The following ELAVL2 variants were observed in gnomAD, a reference collection of about 807,000 sequenced individuals.
ELAVL2 encodes the protein ELAV-like protein 2.
ELAVL2 carries 4 observed loss-of-function variants against 34.6 expected under a neutral mutation model. The ratio of observed to expected loss-of-function variants is 0.12; its 90% CI spans 0.06 to 0.26. ELAVL2 has a LOEUF of 0.26. Ranked by LOEUF, ELAVL2 falls within the 10% of genes least tolerant of loss-of-function variation. The probability of loss-of-function intolerance (pLI) is 1.00; values close to 1 mark genes in which losing one functional copy is unlikely to be tolerated. For missense variants in ELAVL2, 432 were observed against 442.8 expected (o/e 0.98, Z 0.22); for synonymous variants, 193 against 154.8 (o/e 1.25, Z -1.83).
At chr9:23,751,737 C>T (rs927067969) in intron 2 of ELAVL2, among the ~76,000 whole-genome samples, 3 of 152,154 alleles carry the variant, frequency 2.0e-5, no homozygotes, top group Admixed American at 1.3e-4. Flanking sequence ...TGCTGACCTT[C>T]GAAAGCCCAG....
intron 3 of ELAVL2, among the ~76,000 whole-genome samples, chr9:23,710,436 A>T (rs149050790): frequency 1.3e-5 from 2 of 152,250 alleles, no homozygotes; most frequent in African/African-American, 4.8e-5. Context: ...TGATTCATCA[A>T]TGGAAAGATC....
At chr9:23,800,908 G>A (rs1564520907) in intron 1 of ELAVL2, among the ~76,000 whole-genome samples, 1 of 152,062 alleles carries the variant, frequency 6.6e-6, no homozygotes, top group Non-Finnish European at 1.5e-5. Flanking sequence ...CAGGAAAACT[G>A]GCATTAACAT....
intron 1 of ELAVL2, among the ~76,000 whole-genome samples, chr9:23,823,318 T>G (rs2065064428): frequency 6.6e-6 from 1 of 152,302 alleles, no homozygotes; most frequent in South Asian, 2.1e-4. Flanking sequence ...TGGGCCTACT[T>G]AATTTGTCAA....
At chr9:23,782,682 T>G (rs770232715) in intron 1 of ELAVL2, among the ~76,000 whole-genome samples, 7 of 152,320 alleles carry the variant, frequency 4.6e-5, no homozygotes, top group Non-Finnish European at 8.8e-5. Context: ...CTGAAGACAA[T>G]TAGCGTACGT....
chr9:23,733,336 A>C (rs1159665140), intron 2 of ELAVL2, among the ~76,000 whole-genome samples: 1 of 151,996 alleles, frequency 6.6e-6, no homozygotes, highest in Non-Finnish European at 1.5e-5. Context: ...GAACTCCTGG[A>C]CTCAAGCGAT....
chr9:23,746,783 G>T (rs1439901146), intron 2 of ELAVL2, among the ~76,000 whole-genome samples: 1 of 135,632 alleles, frequency 7.4e-6, no homozygotes, highest in Admixed American at 7.8e-5. Context: ...TTGGATCCAC[G>T]AACATCCTTA....
chr9:23,695,716 T>C (rs1001271574), intron 5 of ELAVL2, among the ~76,000 whole-genome samples: 1 of 152,208 alleles, frequency 6.6e-6, no homozygotes, highest in Non-Finnish European at 1.5e-5. Context: ...ATGCTAAGTA[T>C]TGTGTATTTA....
intron 1 of ELAVL2, among the ~76,000 whole-genome samples, chr9:23,817,796 A>G (rs2063927543): frequency 6.6e-6 from 1 of 152,206 alleles, no homozygotes; most frequent in Non-Finnish European, 1.5e-5. Flanking sequence ...TAAGTACCCC[A>G]CAAAAATCTA....
intron 2 of ELAVL2, among the ~76,000 whole-genome samples, chr9:23,750,511 G>C (rs188689490): frequency 1.3e-5 from 2 of 152,222 alleles, no homozygotes; most frequent in Admixed American, 1.3e-4. Context: ...CATTCTACTT[G>C]AGAAGGTAGT....
chr9:23,714,529 G>A (rs1339555837), intron 3 of ELAVL2, among the ~76,000 whole-genome samples: 1 of 152,080 alleles, frequency 6.6e-6, no homozygotes, highest in Non-Finnish European at 1.5e-5. Flanking sequence ...CTATAAATGG[G>A]CCAACAGTTA....
chr9:23,743,656 A>G (rs1156708723), intron 2 of ELAVL2, among the ~76,000 whole-genome samples: 1 of 152,222 alleles, frequency 6.6e-6, no homozygotes, highest in African/African-American at 2.4e-5. Context: ...TTTCCTATGA[A>G]ACAGGAAAAA....
intron 3 of ELAVL2, among the ~76,000 whole-genome samples, chr9:23,728,232 T>C (rs770409827): frequency 2.0e-5 from 3 of 151,952 alleles, no homozygotes; most frequent in Admixed American, 1.3e-4. Flanking sequence ...GTAAAGAATA[T>C]AGACTTCAAA....
chr9:23,743,728 A>G (rs545777794), intron 2 of ELAVL2, among the ~76,000 whole-genome samples: 49 of 152,338 alleles, frequency 3.2e-4, no homozygotes, highest in African/African-American at 1.0e-3. Flanking sequence ...TCTTAAATGT[A>G]TAACAGGGTA....
At chr9:23,734,132 C>A (rs2047261231) in intron 2 of ELAVL2, among the ~76,000 whole-genome samples, 1 of 152,148 alleles carries the variant, frequency 6.6e-6, no homozygotes, top group Admixed American at 6.5e-5. Flanking sequence ...ATTCCTAAAC[C>A]TACCATCGTT....
At position 23,701,671 on chromosome 9, in the gene ELAVL2, G is replaced by A. The variant is rs533370322; in HGVS notation, c.488-67C>T. 38 of 1,509,232 alleles carry A rather than the reference G, an allele frequency of 2.5e-5. No homozygotes were observed. In the East Asian group the frequency reaches 7.5e-4, roughly 30 times the overall value. 93.5% of individuals were successfully genotyped at this position (1,509,232 alleles called of 1,614,324 possible). On this transcript the variant is annotated intron_variant, in intron 4 of 6. Coordinates refer to ENST00000397312, the MANE Select transcript of ELAVL2 (RefSeq NM_004432.5). ...AAGGAGAAGGGAAGGAGAGAAGAAA[G>A]GACACATTAATTTTTCCTTCTCAAG...
At chr9:23,776,892 G>A (rs1222806689) in intron 1 of ELAVL2, among the ~76,000 whole-genome samples, 1 of 152,136 alleles carries the variant, frequency 6.6e-6, no homozygotes, top group East Asian at 1.9e-4. Flanking sequence ...AGGAGACTGT[G>A]CACAGCATTG....
chr9:23,818,805 A>C (rs1011273025), intron 1 of ELAVL2, among the ~76,000 whole-genome samples: 3 of 152,214 alleles, frequency 2.0e-5, no homozygotes, highest in African/African-American at 7.2e-5. Flanking sequence ...CAAAAAGGGG[A>C]ATGGTAAAGT....
At chr9:23,781,199 A>G (rs1337733617) in intron 1 of ELAVL2, among the ~76,000 whole-genome samples, 6 of 152,218 alleles carry the variant, frequency 3.9e-5, no homozygotes, top group Non-Finnish European at 5.9e-5. Flanking sequence ...GCACTATACA[A>G]AGTAGGGTAT....
At chr9:23,800,266 G>A (rs1459606205) in intron 1 of ELAVL2, among the ~76,000 whole-genome samples, 1 of 152,162 alleles carries the variant, frequency 6.6e-6, no homozygotes, top group Non-Finnish European at 1.5e-5. Context: ...TTCTGAACTG[G>A]AGGTGTAACA....
Sources: allele counts gnomAD v4.1 joint callset (sites outside exome capture counted in the v4.1 genomes callset), GRCh38; gene constraint gnomAD v4.1.1; transcripts MANE v1.5; gene names NCBI Gene and HGNC (gene_info 2026-07-23, HGNC 2026-07-21).